Variants in ERBB4 observed in about 807,000 individuals in gnomAD.
ERBB4 encodes the protein erb-b2 receptor tyrosine kinase 4, also known as receptor tyrosine-protein kinase erbB-4.
A neutral mutation model predicts 158.0 loss-of-function variants in ERBB4; 42 were observed. The observed-to-expected ratio is 0.27, with a 90% CI of 0.21 to 0.34. The LOEUF (loss-of-function observed/expected upper bound fraction) is 0.34. Among genes scored for constraint, ERBB4 ranks in the 10% least tolerant of loss-of-function variants. The pLI is 1.00. For missense variants in ERBB4, 1,333 were observed against 1,624.1 expected, an observed-to-expected ratio of 0.82 and a Z score of 3.08; for synonymous variants, 583 against 558.7, an observed-to-expected ratio of 1.04 and a Z score of -0.61.
intron 1 of ERBB4, among the ~76,000 whole-genome samples, chr2:212,340,932 C>A (rs557275746): frequency 3.5e-4 from 54 of 152,214 alleles, no homozygotes; most frequent in African/African-American, 1.3e-3. Context: ...TAGATAATCA[C>A]AATTGATTTA....
At chr2:211,481,343 T>A (rs2065077731) in intron 20 of ERBB4, among the ~76,000 whole-genome samples, 1 of 152,206 alleles carries the variant, frequency 6.6e-6, no homozygotes, top group Non-Finnish European at 1.5e-5. Context: ...TTTTAACTTC[T>A]AATAGAGACT....
chr2:211,606,670 TAAGAG>T (rs960133847), intron 19 of ERBB4, among the ~76,000 whole-genome samples: 2 of 152,006 alleles, frequency 1.3e-5, no homozygotes, highest in Non-Finnish European at 2.9e-5. Flanking sequence ...CCCAGTAAAA[TAAGAG>T]AATTCATAAA....
chr2:212,340,585 C>A (rs2088661671), intron 1 of ERBB4, among the ~76,000 whole-genome samples: 1 of 152,128 alleles, frequency 6.6e-6, no homozygotes, highest in Admixed American at 6.6e-5. Context: ...GCGCAGTTCA[C>A]AAAAGGGTTT....
At chr2:212,191,691 TACATATAACAC>T (rs2082222411) in intron 1 of ERBB4, among the ~76,000 whole-genome samples, 2 of 20,870 alleles carry the variant, frequency 9.6e-5, no homozygotes, top group Non-Finnish European at 1.8e-4. Flanking sequence ...TTATACATGT[TACATATAACAC>T]GTGTTATACA....
chr2:212,283,911 G>A (rs1354099691), intron 1 of ERBB4, among the ~76,000 whole-genome samples: 1 of 151,904 alleles, frequency 6.6e-6, no homozygotes, highest in Non-Finnish European at 1.5e-5. Flanking sequence ...ATTGTTTATT[G>A]ACACTTTTAC....
intron 1 of ERBB4, among the ~76,000 whole-genome samples, chr2:212,315,470 A>C (rs2087232361): frequency 6.6e-6 from 1 of 151,480 alleles, no homozygotes; most frequent in Non-Finnish European, 1.5e-5. Flanking sequence ...AAATTTCCTT[A>C]AAATTATTTT....
intron 3 of ERBB4, among the ~76,000 whole-genome samples, chr2:211,795,896 T>C (rs1308267493): frequency 1.3e-5 from 2 of 151,766 alleles, no homozygotes; most frequent in Non-Finnish European, 2.9e-5. Context: ...AAAGTGGTAA[T>C]AGATATTGGT....
intron 20 of ERBB4, among the ~76,000 whole-genome samples, chr2:211,517,629 C>T (rs2066072610): frequency 6.6e-6 from 1 of 152,126 alleles, no homozygotes; most frequent in African/African-American, 2.4e-5. Context: ...AGAGCTCTGT[C>T]TCTGACATTT....
At chr2:212,043,071 G>A (rs779573505) in intron 2 of ERBB4, among the ~76,000 whole-genome samples, 1 of 152,102 alleles carries the variant, frequency 6.6e-6, no homozygotes, top group Non-Finnish European at 1.5e-5. Flanking sequence ...AGAGCCAGAT[G>A]GGCCCTGCCA....
chr2:211,991,320 C>CCAATTA, intron 2 of ERBB4, among the ~76,000 whole-genome samples: 1 of 151,930 alleles, frequency 6.6e-6, no homozygotes. Context: ...AAATTACAAA[C>CCAATTA]CAATTACCTG....
At chr2:212,122,114 T>C (rs1559538722) in intron 2 of ERBB4, among the ~76,000 whole-genome samples, 1 of 151,334 alleles carries the variant, frequency 6.6e-6, no homozygotes, top group East Asian at 1.9e-4. Flanking sequence ...ATATATCACA[T>C]ATAAAACATA....
chr2:211,926,114 G>A (rs1003723139), intron 3 of ERBB4, among the ~76,000 whole-genome samples: 2 of 152,154 alleles, frequency 1.3e-5, no homozygotes, highest in South Asian at 2.1e-4. Flanking sequence ...TCGGAGCCAC[G>A]TTAAGCGCCA....
intron 1 of ERBB4, among the ~76,000 whole-genome samples, chr2:212,465,706 C>T (rs977159369): frequency 5.3e-5 from 8 of 152,122 alleles, no homozygotes; most frequent in Non-Finnish European, 7.4e-5. Flanking sequence ...CATTACCTCC[C>T]TAACCAATAT....
chr2:212,069,617 TGAA>T (rs1306127767), intron 2 of ERBB4, among the ~76,000 whole-genome samples: 1 of 152,074 alleles, frequency 6.6e-6, no homozygotes, highest in Non-Finnish European at 1.5e-5. Flanking sequence ...CAGATTGGAA[TGAA>T]GAAGAAAAGT....
intron 20 of ERBB4, among the ~76,000 whole-genome samples, chr2:211,523,731 G>A (rs1574666536): frequency 6.6e-6 from 1 of 152,062 alleles, no homozygotes; most frequent in South Asian, 2.1e-4. Flanking sequence ...GACCCAATGA[G>A]TGAGCAGCAG....
intron 1 of ERBB4, among the ~76,000 whole-genome samples, chr2:212,126,909 C>G (rs961287501): frequency 2.6e-5 from 4 of 152,130 alleles, no homozygotes; most frequent in African/African-American, 9.6e-5. Flanking sequence ...TCGAAAATAA[C>G]AAAAATCTTA....
At chr2:211,598,593 T>A (rs1281071203) in intron 19 of ERBB4, among the ~76,000 whole-genome samples, 2 of 152,206 alleles carry the variant, frequency 1.3e-5, no homozygotes, top group Non-Finnish European at 2.9e-5. Flanking sequence ...GAAGAAAGGC[T>A]TTTGGAAGAA....
chr2:212,215,214 T>C (rs146119622), intron 1 of ERBB4, among the ~76,000 whole-genome samples: 2 of 151,662 alleles, frequency 1.3e-5, no homozygotes, highest in East Asian at 1.9e-4. Flanking sequence ...ATTTGAACAA[T>C]CTTCTGTCCA....
At chr2:211,736,077 C>T (rs2074589407) in intron 5 of ERBB4, among the ~76,000 whole-genome samples, 1 of 151,688 alleles carries the variant, frequency 6.6e-6, no homozygotes. Context: ...GCAGGAGGAT[C>T]ACTTGAGCCC....
Sources: gnomAD v4.1 joint callset for allele counts (sites outside exome capture counted in the v4.1 genomes callset) on GRCh38, gnomAD v4.1.1 for gene constraint, MANE v1.5 for transcripts, NCBI Gene and HGNC (gene_info 2026-07-23, HGNC 2026-07-21) for gene names.